The following ELSPBP1 variants were observed in gnomAD, a reference collection of about 807,000 sequenced individuals.
ELSPBP1 encodes epididymal sperm-binding protein 1.
ELSPBP1 carries 38 observed loss-of-function variants against 33.3 expected under a neutral mutation model. The observed-to-expected ratio is 1.14, with a 90% CI of 0.88 to 1.50. ELSPBP1 has a LOEUF of 1.50. Ranked by LOEUF, ELSPBP1 falls within the 40% of genes most tolerant of loss-of-function variation. ELSPBP1 has a pLI of 0.00. For missense variants in ELSPBP1, 267 were observed against 263.5 expected, an observed-to-expected ratio of 1.01 and a Z score of -0.09; for synonymous variants, 85 against 94.1, an observed-to-expected ratio of 0.90 and a Z score of 0.56.
intron 4 of ELSPBP1, among the ~76,000 whole-genome samples, chr19:48,019,021 G>A (rs928848977): frequency 2.6e-5 from 4 of 152,128 alleles, no homozygotes; most frequent in Admixed American, 1.3e-4. Context: ...ACGCATGGTG[G>A]TGCATGCCTG....
chr19:48,000,092 C>T (rs1361641122), intron 1 of ELSPBP1, among the ~76,000 whole-genome samples: 1 of 152,094 alleles, frequency 6.6e-6, no homozygotes, highest in Non-Finnish European at 1.5e-5. Flanking sequence ...TCCCAAAGTG[C>T]TGGGATTACA....
chr19:48,020,042 T>A (rs191522005), intron 5 of ELSPBP1, among the ~76,000 whole-genome samples, 165 bp downstream of exon 5: 4 of 152,298 alleles, frequency 2.6e-5, no homozygotes, highest in Admixed American at 2.6e-4. Flanking sequence ...ATGTCAATGA[T>A]GTGATATGCC....
chr19:48,014,697 G>A (rs898149646), intron 3 of ELSPBP1, among the ~76,000 whole-genome samples: 1 of 151,016 alleles, frequency 6.6e-6, no homozygotes, highest in East Asian at 1.9e-4. Flanking sequence ...AAAAAAATCA[G>A]TGATAATGTA....
At chr19:48,021,751 C>T (rs1365482305) in intron 5 of ELSPBP1, among the ~76,000 whole-genome samples, 1 of 151,920 alleles carries the variant, frequency 6.6e-6, no homozygotes, top group Non-Finnish European at 1.5e-5. Context: ...AGCGCAGCCA[C>T]ATTTTATATT....
At chr19:48,012,583 C>T (rs183388881) in intron 2 of ELSPBP1, among the ~76,000 whole-genome samples, 6 of 152,222 alleles carry the variant, frequency 3.9e-5, no homozygotes, top group East Asian at 1.9e-4. Flanking sequence ...CTTTATTTCA[C>T]GTGGCATTTT....
At position 48,024,847 on chromosome 19, in the gene ELSPBP1, C is replaced by T. The variant is rs77185703; in HGVS notation, c.*8-105C>T. The T allele has an allele frequency of 6.7e-3, 1,015 of 152,344 alleles. 9 individuals are homozygous for T. Among genetic ancestry groups the T allele is most frequent in the Non-Finnish European group, 6.5e-3 (443 of 68,074 alleles). The allele number at this position is 152,344 out of a possible 1,614,324, so 9.4% of individuals were successfully genotyped here. On this transcript the variant is annotated intron_variant, in intron 6 of 6. Coordinates refer to ENST00000339841, the MANE Select transcript of ELSPBP1 (RefSeq NM_022142.5). ...TGATTCCTCTCAGCTCAGCTGCTTC[C>T]GACTAAGTCTGGAAAACCAATACAA...
At chr19:48,022,506 T>C (rs996865576) in intron 6 of ELSPBP1, 172 bp downstream of exon 6, 20 of 494,464 alleles carry the variant, frequency 4.0e-5, no homozygotes, top group Admixed American at 1.6e-4. Flanking sequence ...TTAGCTGAGG[T>C]TCCCAGCAAT....
chr19:48,006,385 G>A (rs73565584), intron 1 of ELSPBP1, among the ~76,000 whole-genome samples: 20,426 of 151,904 alleles, frequency 0.13, 1,975 homozygotes, highest in African/African-American at 0.27. Context: ...AGGCCGAGGC[G>A]GGTGGATCAT....
Position 48,006,630 on chromosome 19 carries a change from A to G in ELSPBP1, c.-17-2021A>G, listed in dbSNP as rs1035705757. Among the ~76,000 whole-genome samples the G allele has an allele frequency of 2.9e-5, 4 of 139,196 alleles. No homozygotes were observed. In the Admixed American group the frequency reaches 2.9e-4, roughly 10 times the overall value. The allele number at this position is 139,196 out of a possible 152,430, so 91.3% of individuals were successfully genotyped here. A position where few individuals can be genotyped will look rare whatever the true frequency, so the allele number is the denominator to read the frequency against. On this transcript the variant is annotated intron_variant, in intron 1 of 6. Transcript: ENST00000339841. ...GAGTGAGACCCTGTCTCAAAAAAAA[A>G]AAAAAAAAAAAAAAAAAGAAAAGAA... is the stretch of plus-strand genomic sequence containing the variant.
intron 1 of ELSPBP1, among the ~76,000 whole-genome samples, chr19:48,003,311 T>G (rs1600101918): frequency 4.6e-5 from 7 of 150,568 alleles, no homozygotes. Flanking sequence ...AACTCTTTAT[T>G]GCACAAAGAA....
In ELSPBP1 at chr19:48,008,616, G is replaced by T. The variant is rs111590260; in HGVS notation, c.-17-35G>T. On this transcript the variant is annotated intron_variant, in intron 1 of 6. Coordinates refer to ENST00000339841, the MANE Select transcript of ELSPBP1 (RefSeq NM_022142.5). Reference sequence around the variant, plus strand: ...GAGGTAATGGGAAGAGGAAGGGGACGTGTGGGATGAAAATTTTTGTCTTCT... The same window carrying T: ...GAGGTAATGGGAAGAGGAAGGGGACTTGTGGGATGAAAATTTTTGTCTTCT... 5.4e-6 allele frequency: 8 copies of T among 1,474,140 alleles called. No individual in the cohort carries two copies. In the African/African-American group the frequency reaches 5.5e-5, roughly 10 times the overall value. The allele number at this position is 1,474,140 out of a possible 1,614,324, so 91.3% of individuals were successfully genotyped here. A position where few individuals can be genotyped will look rare whatever the true frequency, so the allele number is the denominator to read the frequency against.
chr19:48,003,702 A>C (rs1966989692), intron 1 of ELSPBP1, among the ~76,000 whole-genome samples: 1 of 96,340 alleles, frequency 1.0e-5, no homozygotes, highest in African/African-American at 3.7e-5. Flanking sequence ...ACGCCCAGCT[A>C]ATTTTTTTTT....
chr19:48,020,149 G>C (rs771789179), intron 5 of ELSPBP1, among the ~76,000 whole-genome samples: 1 of 151,962 alleles, frequency 6.6e-6, no homozygotes, highest in Non-Finnish European at 1.5e-5. Context: ...ACACGCCAGG[G>C]TTTTTAAAAA....
At chr19:48,020,839 C>T (rs982240259) in intron 5 of ELSPBP1, among the ~76,000 whole-genome samples, 9 of 152,184 alleles carry the variant, frequency 5.9e-5, no homozygotes, top group African/African-American at 2.2e-4. Flanking sequence ...AAGGGAAGTC[C>T]TTGGGCAAAG....
intron 5 of ELSPBP1, among the ~76,000 whole-genome samples, chr19:48,021,809 C>A (rs1967203258): frequency 1.3e-5 from 2 of 151,980 alleles, no homozygotes; most frequent in African/African-American, 4.8e-5. Flanking sequence ...TGCAGTGGTG[C>A]AATCATGGCT....
intron 1 of ELSPBP1, among the ~76,000 whole-genome samples, chr19:47,997,149 C>T (rs1454958911): frequency 6.6e-6 from 1 of 152,162 alleles, no homozygotes; most frequent in Non-Finnish European, 1.5e-5. Flanking sequence ...GGAATGCCAA[C>T]ACCAAGAGGC....
intron 4 of ELSPBP1, among the ~76,000 whole-genome samples, chr19:48,016,441 TCCC>T (rs763707949): frequency 4.4e-4 from 65 of 147,660 alleles, no homozygotes; most frequent in Non-Finnish European, 6.7e-4. Flanking sequence ...CCTCCCTCCC[TCCC>T]TTTTCTCTTT....
At chr19:48,001,178 T>G (rs1211569557) in intron 1 of ELSPBP1, among the ~76,000 whole-genome samples, 2 of 151,366 alleles carry the variant, frequency 1.3e-5, no homozygotes, top group Non-Finnish European at 3.0e-5. Context: ...TCTCTCTGTT[T>G]TTTTTTTTTT....
chr19:48,019,957 C>G, intron 5 of ELSPBP1, 80 bp downstream of exon 5: 1 of 1,476,372 alleles, frequency 6.8e-7, no homozygotes, highest in Non-Finnish European at 9.1e-7. Flanking sequence ...TGAAACCCCA[C>G]TGTGAGCCAG....
Sources: gnomAD v4.1 joint callset for allele counts (sites outside exome capture counted in the v4.1 genomes callset) on GRCh38, gnomAD v4.1.1 for gene constraint, MANE v1.5 for transcripts, NCBI Gene and HGNC (gene_info 2026-07-23, HGNC 2026-07-21) for gene names.